PRKG1: variants seen among roughly 807,000 people sequenced by gnomAD.
The protein encoded by PRKG1 is cGMP-dependent protein kinase 1.
A neutral mutation model predicts 88.1 loss-of-function variants in PRKG1; 35 were observed. That is an observed-to-expected ratio of 0.40 (90% confidence interval 0.30 to 0.53). PRKG1 has a LOEUF of 0.53. PRKG1 is among the 20% of genes least tolerant of loss of function. The pLI is 0.59. For missense variants in PRKG1, 540 were observed against 839.8 expected (o/e 0.64, Z 4.41); for synonymous variants, 303 against 292.5 (o/e 1.04, Z -0.37).
chr10:51,272,859 C>T (rs758354595), intron 2 of PRKG1, among the ~76,000 whole-genome samples: 8 of 152,092 alleles, frequency 5.3e-5, no homozygotes, highest in Non-Finnish European at 1.0e-4. Context: ...GAGAATGAAC[C>T]AGAAGTCTTG....
In PRKG1 at chr10:52,260,931, G is replaced by A. The variant is rs543769994; in HGVS notation, c.1173+9265G>A. 2.6e-5 allele frequency among the ~76,000 whole-genome samples: 4 copies of A among 151,852 alleles called. No homozygotes were observed. The South Asian group carries it at 8.3e-4, about 32-fold the overall frequency. ...ATAAGGGAAATTATAAATGTTCTTTGATTTGCAAGTAACTTCTAGAAAATT... is the reference window on the plus strand; with the variant it reads ...ATAAGGGAAATTATAAATGTTCTTTAATTTGCAAGTAACTTCTAGAAAATT... On this transcript the variant is annotated intron_variant, in intron 10 of 17. Transcript: ENST00000373980.
chr10:51,989,807 T>G (rs931153095), intron 5 of PRKG1, among the ~76,000 whole-genome samples: 2 of 152,122 alleles, frequency 1.3e-5, no homozygotes, highest in Non-Finnish European at 2.9e-5. Flanking sequence ...TCTTTTAAGT[T>G]TGATGTAATC....
chr10:51,260,390 T>C (rs74899499), intron 2 of PRKG1, among the ~76,000 whole-genome samples: 1,534 of 152,260 alleles, frequency 0.01, 40 homozygotes, highest in East Asian at 0.097. Context: ...AGCATGCATG[T>C]TTTACTCTCC....
At chr10:51,668,636 A>T (rs1389785375) in intron 3 of PRKG1, among the ~76,000 whole-genome samples, 1 of 152,204 alleles carries the variant, frequency 6.6e-6, no homozygotes, top group Admixed American at 6.5e-5. Context: ...TTCATAGTTA[A>T]GACCTTAAGA....
intron 5 of PRKG1, among the ~76,000 whole-genome samples, chr10:51,962,161 G>T (rs867300288): frequency 1.3e-5 from 2 of 152,070 alleles, no homozygotes; most frequent in Non-Finnish European, 2.9e-5. Flanking sequence ...GAAGGAGCTC[G>T]GGAAGAATGA....
At chr10:51,878,374 T>C (rs570618172) in intron 4 of PRKG1, among the ~76,000 whole-genome samples, 10 of 152,244 alleles carry the variant, frequency 6.6e-5, no homozygotes, top group African/African-American at 2.4e-4. Context: ...GATGTGTCAG[T>C]AAGAAACCTC....
At position 51,473,731 on chromosome 10, in the gene PRKG1, C is replaced by A. The variant is rs114865289; in HGVS notation, c.592+5895C>A. ...GATCACAGGTAATTTATGAGGAAAT[C>A]TAAACAATAGGCAAGAAACACTGAT... On this transcript the variant is annotated intron_variant, in intron 3 of 17. Coordinates refer to ENST00000373980, the MANE Select transcript of PRKG1 (RefSeq NM_006258.4). Among the ~76,000 whole-genome samples the A allele has an allele frequency of 8.7e-3, 1,306 of 150,442 alleles. 12 individuals are homozygous for A. Among genetic ancestry groups the A allele is most frequent in the African/African-American group, 0.03 (1,241 of 40,948 alleles).
At chr10:51,297,412 C>G (rs1051232577) in intron 2 of PRKG1, among the ~76,000 whole-genome samples, 3 of 152,090 alleles carry the variant, frequency 2.0e-5, no homozygotes, top group Non-Finnish European at 4.4e-5. Flanking sequence ...GTTACCAGCT[C>G]TTTGCTACTG....
chr10:51,369,281 G>A (rs1410072560), intron 2 of PRKG1, among the ~76,000 whole-genome samples: 4 of 152,026 alleles, frequency 2.6e-5, no homozygotes, highest in African/African-American at 9.7e-5. Context: ...AGGAGACTTG[G>A]AAGTCCAAGA....
chr10:51,631,120 A>G (rs72797316), intron 3 of PRKG1, among the ~76,000 whole-genome samples: 2,383 of 152,246 alleles, frequency 0.016, 23 homozygotes, highest in Admixed American at 0.028. Context: ...CTGAACCCAT[A>G]ATTTAAGTAG....
intron 1 of PRKG1, among the ~76,000 whole-genome samples, chr10:50,994,401 ATTTTTTTT>A (rs562018970): frequency 2.6e-4 from 23 of 87,680 alleles, no homozygotes; most frequent in Admixed American, 1.8e-3. Flanking sequence ...CTCACCTGTA[ATTTTTTTT>A]TTTTTTTTTT....
chr10:52,270,720 T>C (rs1485407289), intron 10 of PRKG1, among the ~76,000 whole-genome samples: 1 of 74,860 alleles, frequency 1.3e-5, no homozygotes, highest in Non-Finnish European at 2.4e-5. Context: ...GGGACTGTTG[T>C]GGGGTGGGGG....
chr10:52,187,872 A>G (rs1839238862), intron 9 of PRKG1, among the ~76,000 whole-genome samples: 1 of 152,192 alleles, frequency 6.6e-6, no homozygotes, highest in Admixed American at 6.5e-5. Flanking sequence ...CAGTAAGTGG[A>G]CATTTAAAAT....
intron 7 of PRKG1, among the ~76,000 whole-genome samples, chr10:52,080,121 A>C (rs1168431989): frequency 6.6e-6 from 1 of 152,210 alleles, no homozygotes; most frequent in Non-Finnish European, 1.5e-5. Context: ...TAAAAACCTA[A>C]ATTCTCAAGA....
chr10:51,490,855 A>T (rs1048687291), intron 3 of PRKG1, among the ~76,000 whole-genome samples: 1 of 152,078 alleles, frequency 6.6e-6, no homozygotes, highest in African/African-American at 2.4e-5. Flanking sequence ...TAGAAACCTC[A>T]TTTCTGGGAT....
chr10:51,906,833 T>G (rs1443912778), intron 4 of PRKG1, among the ~76,000 whole-genome samples: 1 of 152,166 alleles, frequency 6.6e-6, no homozygotes, highest in East Asian at 1.9e-4. Flanking sequence ...TTTCAAAATA[T>G]GTCAAAGGAA....
intron 10 of PRKG1, among the ~76,000 whole-genome samples, chr10:52,253,933 A>G (rs1286101102): frequency 5.3e-5 from 8 of 150,634 alleles, no homozygotes; most frequent in Non-Finnish European, 1.2e-4. Flanking sequence ...CACTGTAGAC[A>G]ATCAGAATGC....
intron 2 of PRKG1, among the ~76,000 whole-genome samples, chr10:51,304,733 G>A (rs926005467): frequency 6.7e-6 from 1 of 148,546 alleles, no homozygotes; most frequent in Non-Finnish European, 1.5e-5. Flanking sequence ...AACATGCGGT[G>A]TTTGGTTTTT....
chr10:51,576,039 G>C (rs1427709871), intron 3 of PRKG1, among the ~76,000 whole-genome samples: 1 of 151,888 alleles, frequency 6.6e-6, no homozygotes, highest in Non-Finnish European at 1.5e-5. Flanking sequence ...CTGTGTGCCA[G>C]GAACTTGGCT....
Sources: gnomAD v4.1 joint callset for allele counts (sites outside exome capture counted in the v4.1 genomes callset) on GRCh38, gnomAD v4.1.1 for gene constraint, MANE v1.5 for transcripts, NCBI Gene and HGNC (gene_info 2026-07-23, HGNC 2026-07-21) for gene names.